ZNF888: variants seen among roughly 807,000 people sequenced by gnomAD.
ZNF888 encodes CTD-2331H12.6.
In ZNF888, 5 loss-of-function variants were observed where a neutral mutation model predicts 7.2. That is an observed-to-expected ratio of 0.70 (90% CI 0.36 to 1.46). The LOEUF (loss-of-function observed/expected upper bound fraction) is 1.46. Among genes scored for constraint, ZNF888 ranks in the 40% most tolerant of loss-of-function variants. The probability of loss-of-function intolerance (pLI) is 0.03; values close to 1 mark genes in which losing one functional copy is unlikely to be tolerated. For synonymous variants in ZNF888, 240 were observed against 284.3 expected, an observed-to-expected ratio of 0.84 and a Z score of 1.57; for missense variants, 716 against 858.0, an observed-to-expected ratio of 0.83 and a Z score of 2.07.
Position 52,907,919 on chromosome 19 carries a change from T to C in ZNF888, c.403A>G (p.Ile135Val), listed in dbSNP as rs1402402769. 4 of 1,614,072 alleles carry C rather than the reference T, an allele frequency of 2.5e-6. No homozygotes were observed. The African/African-American group carries it at 4.0e-5, about 16-fold the overall frequency. The change falls in exon 5 of 5, where the codon ATT becomes GTT. Residue 135 changes from isoleucine (I) to valine (V), a missense_variant. By Grantham distance (29) the Ile-to-Val change is conservative. Around this residue, in one of 2 missense-constraint regions of ZNF888, gnomAD observed 697 missense variants for 803.4 expected, o/e 0.87. Transcript: ENST00000638862. ...AAGCTTGATCCAAGCTGATATTTAA[T>C]AGGCTTGTTTCCAGCATGCCTTTGA... ...YDQRHAGNKPIKYQLGSSFHS... is the reference protein window; with the variant it reads ...YDQRHAGNKPVKYQLGSSFHS...
rs528560510 is a variant in ZNF888 at position 52,911,817 on chromosome 19, A to AT, written c.142+3378dup. Among the ~76,000 whole-genome samples, 1,192 of 148,402 alleles carry AT rather than the reference A, an allele frequency of 8.0e-3. 15 individuals carry two copies. Among genetic ancestry groups the AT allele is most frequent in the Middle Eastern group, 0.031 (9 of 286 alleles). On this transcript the variant is annotated intron_variant, in intron 4 of 4. Coordinates refer to ENST00000638862, the MANE Select transcript of ZNF888 (RefSeq NM_001393938.1). ...GCAGTAACATATTTTATTTTATTTT[A>AT]TTTATTTTTATTTTTTTAAGATGGA...
chr19:52,906,415 C>T lies in ZNF888; in HGVS notation c.1907G>A (p.Cys636Tyr), dbSNP rs1568740237. 2.5e-6 allele frequency: 4 copies of T among 1,613,096 alleles called. No homozygotes were observed. Among genetic ancestry groups the T allele is most frequent in the Non-Finnish European group, 3.4e-6 (4 of 1,179,452 alleles). Residue 636 changes from cysteine (C) to tyrosine (Y), a missense_variant, in exon 5 of 5, where the codon TGT (cysteine) becomes TAT (tyrosine). Physicochemically the swap from Cys to Tyr is radical, Grantham distance 194 (BLOSUM62 -2). Transcript: ENST00000638862. ...RVHTGEKPYK[C>Y]RVCDKAFGRD... The stretch of plus-strand genomic sequence containing the variant: ...CCCAAAAGCCTTGTCGCAAACCCTA[C>T]ATTTGTATGGTTTCTCTCCAGTATG...
At chr19:52,912,497 G>A (rs2064697940) in intron 4 of ZNF888, among the ~76,000 whole-genome samples, 1 of 148,512 alleles carries the variant, frequency 6.7e-6, no homozygotes, top group Admixed American at 6.8e-5. Flanking sequence ...AGGCTGAGGT[G>A]GGAGGATCAC....
At chr19:52,911,380 C>G (rs1239625582) in intron 4 of ZNF888, among the ~76,000 whole-genome samples, 1 of 151,452 alleles carries the variant, frequency 6.6e-6, no homozygotes, top group African/African-American at 2.4e-5. Flanking sequence ...GCTCTGTCGC[C>G]CAGGCTGGAG....
chr19:52,907,851 C>T lies in ZNF888; in HGVS notation c.471G>A (p.Gly157=), dbSNP rs2064629967. The change falls in exon 5 of 5, where the codon GGG becomes GGA. Residue 157 remains glycine, a synonymous_variant. Coordinates refer to ENST00000638862, the MANE Select transcript of ZNF888 (RefSeq NM_001393938.1). ...ACTTCTCAAGTTGATTACCAATTTT[C>T]CCTTCGGGCTGAAATATGTGCAGTT... ...LPELHIFQPE[G]KIGNQLEKSI... 8 of 1,613,992 alleles carry T rather than the reference C, an allele frequency of 5.0e-6. No individual in the cohort carries two copies. Among genetic ancestry groups the T allele is most frequent in the Admixed American group, 1.7e-5 (1 of 59,996 alleles).
chr19:52,913,514 G>A (rs1242305114), intron 4 of ZNF888, among the ~76,000 whole-genome samples: 1 of 151,988 alleles, frequency 6.6e-6, no homozygotes, highest in Non-Finnish European at 1.5e-5. Flanking sequence ...TACTACAGAT[G>A]AAGTTTCAGC....
chr19:52,912,596 G>A (rs1045450679), intron 4 of ZNF888, among the ~76,000 whole-genome samples: 1 of 150,754 alleles, frequency 6.6e-6, no homozygotes, highest in African/African-American at 2.4e-5. Flanking sequence ...CCAGCATGTT[G>A]GCAGTCACCT....
At chr19:52,910,956 C>G (rs1444880125) in intron 4 of ZNF888, among the ~76,000 whole-genome samples, 1 of 152,172 alleles carries the variant, frequency 6.6e-6, no homozygotes, top group Non-Finnish European at 1.5e-5. Context: ...TCTTAGCTCA[C>G]TGCAACCTCC....
At chr19:52,916,627 TATATATATATATATAG>T (rs67885353) in intron 3 of ZNF888, among the ~76,000 whole-genome samples, 28,729 of 142,060 alleles carry the variant, frequency 0.2, 3,308 homozygotes, top group Admixed American at 0.35. Context: ...TATATATATA[TATATATATATATATAG>T]GTTTTAAATA....
intron 4 of ZNF888, among the ~76,000 whole-genome samples, chr19:52,913,320 CT>C (rs34481338): frequency 0.025 from 2,308 of 92,026 alleles, 42 homozygotes; most frequent in African/African-American, 0.09. Flanking sequence ...GTTATGGATT[CT>C]TTTTTTTTTT....
chr19:52,922,069 C>A (rs939764612), intron 1 of ZNF888, among the ~76,000 whole-genome samples: 16 of 151,796 alleles, frequency 1.1e-4, no homozygotes, highest in Non-Finnish European at 1.8e-4. Flanking sequence ...ATTCCCAGCA[C>A]TTTGGGAGGT....
intron 2 of ZNF888, chr19:52,918,232 A>G (rs6509705): frequency 1 from 981,611 of 985,392 alleles, 489,150 homozygotes; most frequent in Non-Finnish European, 1. Context: ...GCTCATGCCT[A>G]TCATCCCAGC....
chr19:52,915,461 C>T (rs1221781734), intron 3 of ZNF888, 139 bp from the exon 4 acceptor site: 2 of 1,579,564 alleles, frequency 1.3e-6, no homozygotes, highest in Non-Finnish European at 1.7e-6. Context: ...TTCTTCACCA[C>T]ATGATGTATT....
chr19:52,923,399 C>A lies in ZNF888; in HGVS notation c.-208G>T. On this transcript the variant is annotated 5_prime_UTR_variant, in exon 1 of 5. Coordinates refer to ENST00000638862, the MANE Select transcript of ZNF888 (RefSeq NM_001393938.1). ...CAGTGTGACTTCCAGTCCACGCGATCCGCTTCCTGGTCCGGGCGAATCTAC... is the reference window on the plus strand; with the variant it reads ...CAGTGTGACTTCCAGTCCACGCGATACGCTTCCTGGTCCGGGCGAATCTAC... The A allele has an allele frequency of 2.0e-6, 2 of 985,630 alleles. No individual in the cohort carries two copies. The highest frequency in any genetic ancestry group is 1.1e-4 in the East Asian group (1 of 8,798). 61.1% of individuals were successfully genotyped at this position (985,630 alleles called of 1,614,324 possible). A position where few individuals can be genotyped will look rare whatever the true frequency, so the allele number is the denominator to read the frequency against.
Position 52,907,782 on chromosome 19 carries a change from A to G in ZNF888, c.540T>C (p.Ser180=), listed in dbSNP as rs929642980. ...ASSVSTSQRI[S]CRPKTHISNN... ...TAGAAATATGGGTTTTGGGCCTACA[A>G]GAAATTCTTTGGGATGTTGAAACTG... is the stretch of plus-strand genomic sequence containing the variant. Residue 180 remains serine (S), a synonymous_variant, in exon 5 of 5, where the codon TCT becomes TCC. Transcript: ENST00000638862. The G allele has an allele frequency of 8.1e-5, 131 of 1,614,034 alleles. No homozygotes were observed. The Middle Eastern group carries it at 1.3e-3, about 16-fold the overall frequency.
At position 52,908,043 on chromosome 19, in the gene ZNF888, A is replaced by C. The variant is rs974208598; in HGVS notation, c.279T>G (p.Ile93Met). ...ECCFQEIEKD[I>M]HDFVFQWQED... ...CTTGCCACTGAAACACAAAGTCATG[A>C]ATGTCTTTCTCAATTTCCTGGAAGC... The change falls in exon 5 of 5, where the codon ATT becomes ATG. Residue 93 changes from isoleucine (I) to methionine (M), a missense_variant. Ile to Met is a conservative substitution (Grantham distance 10). This residue lies in a region of ZNF888 where 697 missense variants were observed against 803.4 expected (regional missense o/e 0.87). Transcript: ENST00000638862. 1.9e-6 allele frequency: 3 copies of C among 1,614,036 alleles called. No individual in the cohort carries two copies. In the African/African-American group the frequency reaches 4.0e-5, roughly 22 times the overall value.
In ZNF888 at chr19:52,907,180, G is replaced by T. The variant is rs2064620393; in HGVS notation, c.1142C>A (p.Pro381Gln). Residue 381 changes from proline to glutamine, a missense_variant, in exon 5 of 5, where the codon CCA becomes CAA. Coordinates refer to ENST00000638862, the MANE Select transcript of ZNF888 (RefSeq NM_001393938.1). ...RHRRIHTGEKPYKCKVCDKAF... is the reference protein window; with the variant it reads ...RHRRIHTGEKQYKCKVCDKAF... ...CTTGTCACAAACCTTACATTTGTAT[G>T]GTTTCTCACCAGTGTGAATTCTCCT... The T allele has an allele frequency of 1.2e-6, 2 of 1,612,746 alleles. No individual in the cohort carries two copies. The highest frequency in any genetic ancestry group is 1.3e-5 in the African/African-American group (1 of 74,582).
At chr19:52,911,172 C>T (rs1030457722) in intron 4 of ZNF888, among the ~76,000 whole-genome samples, 2 of 151,976 alleles carry the variant, frequency 1.3e-5, no homozygotes, top group African/African-American at 2.4e-5. Flanking sequence ...AGCAATTGCA[C>T]CTGGCCCATT....
intron 2 of ZNF888, among the ~76,000 whole-genome samples, 159 bp downstream of exon 2, chr19:52,918,660 G>A (rs1305646593): frequency 6.6e-6 from 1 of 152,180 alleles, no homozygotes; most frequent in East Asian, 1.9e-4. Flanking sequence ...CAGCTACCCA[G>A]GAGGCTGAGG....
Sources: gnomAD v4.1 joint callset for allele counts (sites outside exome capture counted in the v4.1 genomes callset) on GRCh38, gnomAD v4.1.1 for gene constraint, gnomAD v4.1.1 regional missense constraint, MANE v1.5 for transcripts, NCBI Gene and HGNC (gene_info 2026-07-23, HGNC 2026-07-21) for gene names.